Variants in EVC2 observed in about 807,000 individuals in gnomAD.
EVC2 encodes limbin.
A neutral mutation model predicts 149.3 loss-of-function variants in EVC2; 148 were observed. The observed-to-expected ratio is 0.99, with a 90% CI of 0.87 to 1.14. EVC2 has a LOEUF of 1.14. Ranked by LOEUF, EVC2 falls within the 50% of genes most tolerant of loss-of-function variation. The pLI, the probability that EVC2 is intolerant of heterozygous loss-of-function variation, is 0.00. For missense variants in EVC2, 1,854 were observed against 1,627.3 expected (o/e 1.14, Z -2.40); for synonymous variants, 776 against 649.9 (o/e 1.19, Z -2.95).
chr4:5,607,850 C>T (rs899173633), intron 16 of EVC2, among the ~76,000 whole-genome samples: 1 of 151,874 alleles, frequency 6.6e-6, no homozygotes, highest in Non-Finnish European at 1.5e-5. Context: ...GGAATCACCA[C>T]ACAAAACATT....
the EVC2 span, among the ~76,000 whole-genome samples, chr4:5,533,711 C>T: frequency 6.7e-4 from 102 of 152,248 alleles, 1 homozygote; most frequent in African/African-American, 2.2e-3. Flanking sequence ...TCCATATTGC[C>T]GCTAAGAAAG....
At chr4:5,663,085 T>A in intron 9 of EVC2, 22 bp downstream of exon 9, 1 of 1,613,748 alleles carries the variant, frequency 6.2e-7, no homozygotes, top group Non-Finnish European at 8.5e-7. Flanking sequence ...TGTGTAAGTA[T>A]AATGGGATTT....
chr4:5,685,629 T>C (rs1290185794), intron 5 of EVC2, 150 bp from the exon 6 acceptor site: 2 of 657,304 alleles, frequency 3.0e-6, no homozygotes, highest in Non-Finnish European at 5.4e-6. Flanking sequence ...GGAAGCCCTT[T>C]GTATTGCACA....
In EVC2 at chr4:5,615,617, T is replaced by C. The variant is rs1715189796; in HGVS notation, c.2707-73A>G. ...AGTCCATGCAGCTCCCCCGAGGGCT[T>C]TGCAGGTCAAGAGAAGTTTCTGCAG... On this transcript the variant is annotated intron_variant, in intron 15 of 21. Transcript: ENST00000344408. The C allele has an allele frequency of 3.7e-6, 6 of 1,610,098 alleles. No individual in the cohort carries two copies. In the East Asian group the frequency reaches 6.7e-5, roughly 18 times the overall value.
Position 5,640,094 on chromosome 4 carries a change from G to A in EVC2, c.1470+420C>T, listed in dbSNP as rs997037741. On this transcript the variant is annotated intron_variant, in intron 10 of 21. Coordinates refer to ENST00000344408, the MANE Select transcript of EVC2 (RefSeq NM_147127.5). This position sits in a 1 kb window ranked among gnomAD's most constrained non-coding sequence, Gnocchi z 4.6. ...TGGGTGAATGGGTAAATGGATGAGT[G>A]GATGGGTAGAAGGCTAGATGGGGAA... Among the ~76,000 whole-genome samples the A allele has an allele frequency of 2.0e-5, 3 of 152,062 alleles. No individual in the cohort carries two copies. Among genetic ancestry groups the A allele is most frequent in the Non-Finnish European group, 4.4e-5 (3 of 68,010 alleles).
chr4:5,632,045 A>G lies in EVC2; in HGVS notation c.1471-13T>C, dbSNP rs112483014. 5 of 1,613,604 alleles carry G rather than the reference A, an allele frequency of 3.1e-6. No individual in the cohort carries two copies. In the East Asian group the frequency reaches 8.9e-5, roughly 29 times the overall value. ...ACTCTACAGCAGACTGGAGAGAGGA[A>G]AGGGAGAGCGTGAGAAACTGACACA... On this transcript the variant is annotated splice_polypyrimidine_tract_variant and intron_variant, in intron 10 of 21. Coordinates refer to ENST00000344408, the MANE Select transcript of EVC2 (RefSeq NM_147127.5).
chr4:5,602,234 G>A (rs1442982095), intron 16 of EVC2, among the ~76,000 whole-genome samples: 1 of 147,088 alleles, frequency 6.8e-6, no homozygotes, highest in Non-Finnish European at 1.5e-5. Flanking sequence ...AGGTTACAGT[G>A]AGCTATGACT....
chr4:5,616,328 A>G (rs931663187), intron 15 of EVC2, among the ~76,000 whole-genome samples: 1 of 152,198 alleles, frequency 6.6e-6, no homozygotes, highest in Non-Finnish European at 1.5e-5. Flanking sequence ...GAGGGTGGTG[A>G]ATCTGACTTG....
At chr4:5,538,357 C>T (rs1479241470), downstream of EVC2, among the ~76,000 whole-genome samples, 1 of 152,050 alleles carries the variant, frequency 6.6e-6, no homozygotes, top group Non-Finnish European at 1.5e-5. Flanking sequence ...AAATGCCAGG[C>T]ACCAAAATTC....
At chr4:5,642,483 AT>A (rs368099546) in intron 9 of EVC2, among the ~76,000 whole-genome samples, 124 of 152,348 alleles carry the variant, frequency 8.1e-4, no homozygotes, top group African/African-American at 2.8e-3. Context: ...ATAGACCACC[AT>A]TCAATGACTA....
At position 5,562,535 on chromosome 4, in the gene EVC2, C is replaced by T; in HGVS notation, c.*313G>A. On this transcript the variant is annotated 3_prime_UTR_variant, in exon 22 of 22. Transcript: ENST00000344408. The surrounding 1 kb of genome is among the most constrained non-coding windows in gnomAD (Gnocchi z 4.3). Reference sequence around the variant, plus strand: ...AGAGTAGAGAATCTGGCTGTCACCACACAGACCATAGCTTCTGCAGCAGAG... The same window carrying T: ...AGAGTAGAGAATCTGGCTGTCACCATACAGACCATAGCTTCTGCAGCAGAG... 7.9e-7 allele frequency: 1 copy of T among 1,264,800 alleles called. No individual in the cohort carries two copies. The highest frequency in any genetic ancestry group is 1.0e-6 in the Non-Finnish European group (1 of 999,214). The allele number at this position is 1,264,800 out of a possible 1,614,324, so 78.3% of individuals were successfully genotyped here. A position where few individuals can be genotyped will look rare whatever the true frequency, so the allele number is the denominator to read the frequency against.
chr4:5,682,630 G>T (rs950488730), intron 6 of EVC2, among the ~76,000 whole-genome samples: 1 of 150,098 alleles, frequency 6.7e-6, no homozygotes, highest in Non-Finnish European at 1.5e-5. Flanking sequence ...AGGCCGAGGC[G>T]GGTGGATCAC....
chr4:5,708,232 G>A, intron 1 of EVC2, 54 bp downstream of exon 1: 1 of 1,410,332 alleles, frequency 7.1e-7, no homozygotes, highest in South Asian at 1.5e-5. Context: ...CGCCGGTGTA[G>A]ACAAAGTCAA....
chr4:5,642,991 T>C (rs1233501175), intron 9 of EVC2, among the ~76,000 whole-genome samples: 1 of 152,220 alleles, frequency 6.6e-6, no homozygotes, highest in Admixed American at 6.5e-5. Flanking sequence ...CAAGGAGTCA[T>C]ACGCAGACAG....
In EVC2 at chr4:5,633,792, C is replaced by T. The variant is rs1474352096; in HGVS notation, c.1471-1760G>A. Among the ~76,000 whole-genome samples, 1 of 152,250 alleles carries T rather than the reference C, an allele frequency of 6.6e-6. No homozygotes were observed. The highest frequency in any genetic ancestry group is 2.4e-5 in the African/African-American group (1 of 41,464). On this transcript the variant is annotated intron_variant, in intron 10 of 21. Transcript: ENST00000344408. This position sits in a 1 kb window ranked among gnomAD's most constrained non-coding sequence, Gnocchi z 4.4. The stretch of plus-strand genomic sequence containing the variant: ...CAAGGTTGGAATGCTCTATCACCCA[C>T]CAGAATTCTCTGGTTTCAGTAAATA...
chr4:5,593,373 T>C (rs914212254), intron 16 of EVC2, among the ~76,000 whole-genome samples: 1 of 152,212 alleles, frequency 6.6e-6, no homozygotes, highest in Non-Finnish European at 1.5e-5. Flanking sequence ...AAACATTTAC[T>C]CCTGTTTGAA....
rs1251665292 is a variant in EVC2, at chr4:5,700,003, T to C, written c.229-2356A>G. Among the ~76,000 whole-genome samples, 16 of 151,206 alleles carry C rather than the reference T, an allele frequency of 1.1e-4. No individual in the cohort carries two copies. In the East Asian group the frequency reaches 2.9e-3, roughly 28 times the overall value. On this transcript the variant is annotated intron_variant, in intron 1 of 21. Transcript: ENST00000344408. Reference sequence around the variant, plus strand: ...TAAAAATACACAAATTAGCTGGGCATGGTGGTGGGTGCCTGAATCCCAGCT... The same window carrying C: ...TAAAAATACACAAATTAGCTGGGCACGGTGGTGGGTGCCTGAATCCCAGCT...
At chr4:5,603,034 G>A (rs561237966) in intron 16 of EVC2, among the ~76,000 whole-genome samples, 89 of 152,256 alleles carry the variant, frequency 5.8e-4, no homozygotes, top group African/African-American at 2.0e-3. Flanking sequence ...TTTAAAAGAA[G>A]GCATGCGTAT....
chr4:5,656,663 G>A (rs554372158), intron 9 of EVC2, among the ~76,000 whole-genome samples: 1 of 152,190 alleles, frequency 6.6e-6, no homozygotes, highest in Admixed American at 6.5e-5. Flanking sequence ...CTGCAGCCTT[G>A]GAAGCCCCAG....
Sources: allele counts gnomAD v4.1 joint callset (sites outside exome capture counted in the v4.1 genomes callset), GRCh38; gene constraint gnomAD v4.1.1; non-coding constraint Gnocchi (gnomAD v3.1); transcripts MANE v1.5; gene names NCBI Gene and HGNC (gene_info 2026-07-23, HGNC 2026-07-21).